Variants in DOCK3 observed in about 807,000 individuals in gnomAD.
DOCK3 encodes the protein dedicator of cytokinesis 3.
Under a neutral mutation model 265.6 loss-of-function variants are expected in DOCK3, and 60 were observed. The observed-to-expected ratio is 0.23, with a 90% CI of 0.18 to 0.28. DOCK3 has a LOEUF of 0.28. DOCK3 is among the 10% of genes least tolerant of loss of function. The probability of loss-of-function intolerance (pLI) is 1.00; values close to 1 mark genes in which losing one functional copy is unlikely to be tolerated. For synonymous variants in DOCK3, 881 were observed against 938.0 expected (o/e 0.94, Z 1.11); for missense variants, 1,981 against 2,594.3 (o/e 0.76, Z 5.14).
chr3:50,869,370 T>TGGAGATAGGG, intron 3 of DOCK3, among the ~76,000 whole-genome samples: 1 of 52,150 alleles, frequency 1.9e-5, no homozygotes, highest in Non-Finnish European at 3.8e-5. Context: ...TTTTTTTTTT[T>TGGAGATAGGG]TTTTTTTTTT....
chr3:50,724,943 A>C (rs894440303), intron 1 of DOCK3, among the ~76,000 whole-genome samples: 2 of 151,692 alleles, frequency 1.3e-5, no homozygotes, highest in Non-Finnish European at 2.9e-5. Flanking sequence ...CAGTGAGCCG[A>C]GATAGTGCCA....
intron 9 of DOCK3, among the ~76,000 whole-genome samples, chr3:51,124,000 A>G (rs1454254597): frequency 6.6e-6 from 1 of 152,020 alleles, no homozygotes; most frequent in African/African-American, 2.4e-5. Context: ...TAGACCACAA[A>G]CAACTTCATC....
intron 32 of DOCK3, among the ~76,000 whole-genome samples, chr3:51,325,265 C>T (rs2084023818): frequency 6.6e-6 from 1 of 151,992 alleles, no homozygotes; most frequent in South Asian, 2.1e-4. Flanking sequence ...TGAACAGACA[C>T]TTCTCAAAAG....
intron 1 of DOCK3, among the ~76,000 whole-genome samples, chr3:50,717,545 A>G (rs1051934920): frequency 1.1e-4 from 16 of 152,102 alleles, no homozygotes; most frequent in Admixed American, 4.6e-4. Flanking sequence ...TTTTTTGAGT[A>G]TGTGAAATCA....
chr3:50,836,091 TAAAAC>T (rs1491003548), intron 2 of DOCK3, among the ~76,000 whole-genome samples: 3 of 152,204 alleles, frequency 2.0e-5, no homozygotes, highest in Non-Finnish European at 4.4e-5. Context: ...AAAAATCAGA[TAAAAC>T]AATGCAAAAC....
intron 4 of DOCK3, among the ~76,000 whole-genome samples, chr3:50,930,557 G>T (rs552695397): frequency 4.5e-4 from 68 of 152,320 alleles, no homozygotes; most frequent in Non-Finnish European, 7.6e-4. Context: ...CCAGGTCCTT[G>T]CTGGGCCCAG....
intron 5 of DOCK3, among the ~76,000 whole-genome samples, chr3:51,004,240 G>A (rs568775236): frequency 6.6e-6 from 1 of 152,106 alleles, no homozygotes; most frequent in African/African-American, 2.4e-5. Context: ...CACTCTGGGG[G>A]AATCCAGCTA....
intron 5 of DOCK3, among the ~76,000 whole-genome samples, chr3:50,993,440 T>C (rs1199658595): frequency 1.3e-5 from 2 of 152,198 alleles, no homozygotes; most frequent in Admixed American, 1.3e-4. Flanking sequence ...GAGATATAAA[T>C]AGCTCAGCCT....
At chr3:50,726,368 A>C (rs140473390) in intron 1 of DOCK3, among the ~76,000 whole-genome samples, 2 of 152,322 alleles carry the variant, frequency 1.3e-5, no homozygotes, top group African/African-American at 4.8e-5. Context: ...AAGGAGATAC[A>C]GGAGGTATAA....
intron 4 of DOCK3, among the ~76,000 whole-genome samples, chr3:50,890,991 A>G (rs2048615073): frequency 6.6e-6 from 1 of 152,088 alleles, no homozygotes; most frequent in Non-Finnish European, 1.5e-5. Flanking sequence ...CAGAAATTAG[A>G]TCTTGAGATA....
chr3:50,740,187 T>G (rs1261700751), intron 1 of DOCK3, among the ~76,000 whole-genome samples: 1 of 152,186 alleles, frequency 6.6e-6, no homozygotes, highest in Non-Finnish European at 1.5e-5. Flanking sequence ...CTCTGTTACC[T>G]GTATCAATAG....
At chr3:51,145,121 T>C (rs541636234) in intron 9 of DOCK3, among the ~76,000 whole-genome samples, 48 of 152,356 alleles carry the variant, frequency 3.2e-4, no homozygotes, top group Middle Eastern at 3.4e-3. Context: ...TTAATGGCTC[T>C]ATTAAATTCT....
At chr3:50,888,123 C>T (rs959791645) in intron 3 of DOCK3, among the ~76,000 whole-genome samples, 3 of 152,078 alleles carry the variant, frequency 2.0e-5, no homozygotes, top group African/African-American at 4.8e-5. Flanking sequence ...ATTGTGTCAG[C>T]CCAAAATCTC....
chr3:50,862,587 A>G (rs1180588095), intron 3 of DOCK3, among the ~76,000 whole-genome samples: 1 of 152,194 alleles, frequency 6.6e-6, no homozygotes, highest in Non-Finnish European at 1.5e-5. Context: ...CTGCTTCCCT[A>G]TCATGACTTT....
At chr3:50,816,833 C>T (rs540633368) in intron 2 of DOCK3, among the ~76,000 whole-genome samples, 49 of 151,024 alleles carry the variant, frequency 3.2e-4, no homozygotes, top group African/African-American at 1.1e-3. Context: ...GATGGGATCT[C>T]ACCCGTCACC....
rs1024065870 is a variant in DOCK3 at position 51,141,914 on chromosome 3, C to G, written c.747-4635C>G. On this transcript the variant is annotated intron_variant, in intron 9 of 52. Coordinates refer to ENST00000266037, the MANE Select transcript of DOCK3 (RefSeq NM_004947.5). The stretch of plus-strand genomic sequence containing the variant: ...CTGTCTTTTCTACCTTTCCCCATTA[C>G]ATTTTCTCTTAAATGGTCTTGAGAA... Among the ~76,000 whole-genome samples the G allele has an allele frequency of 2.0e-5, 3 of 150,544 alleles. 1 individual carries two copies. The highest frequency in any genetic ancestry group is 1.5e-5 in the Non-Finnish European group (1 of 67,706).
chr3:50,934,186 T>TTA (rs2051229586), intron 5 of DOCK3, 109 bp downstream of exon 5: 1 of 779,842 alleles, frequency 1.3e-6, no homozygotes, highest in African/African-American at 1.7e-5. Flanking sequence ...TTGCAGTTTA[T>TTA]CAAACATATG....
At chr3:51,305,896 T>C (rs1476717890) in intron 27 of DOCK3, among the ~76,000 whole-genome samples, 1 of 144,180 alleles carries the variant, frequency 6.9e-6, no homozygotes, top group Non-Finnish European at 1.5e-5. Context: ...TGGGGTGCTG[T>C]GGCACAATCA....
intron 5 of DOCK3, among the ~76,000 whole-genome samples, chr3:51,039,883 CTTT>C (rs60370676): frequency 0.11 from 10,857 of 99,948 alleles, 517 homozygotes; most frequent in African/African-American, 0.13. Flanking sequence ...GCTTTGAGGT[CTTT>C]TTTTTTTTTT....
Sources: gnomAD v4.1 joint callset for allele counts (sites outside exome capture counted in the v4.1 genomes callset) on GRCh38, gnomAD v4.1.1 for gene constraint, MANE v1.5 for transcripts, NCBI Gene and HGNC (gene_info 2026-07-23, HGNC 2026-07-21) for gene names.